ADGRL3: variants seen among roughly 807,000 people sequenced by gnomAD.
ADGRL3 encodes the protein adhesion G protein-coupled receptor L3.
ADGRL3 carries 62 observed loss-of-function variants against 153.5 expected under a neutral mutation model. The observed-to-expected ratio is 0.40, with a 90% CI of 0.33 to 0.50. The LOEUF is 0.50. Ranked by LOEUF, ADGRL3 falls within the 20% of genes least tolerant of loss-of-function variation. The pLI is 0.47. For missense variants in ADGRL3, 1,641 were observed against 1,859.4 expected (o/e 0.88, Z 2.16); for synonymous variants, 710 against 672.5 (o/e 1.06, Z -0.86).
At chr4:61,774,912 C>T (rs1400438535) in intron 8 of ADGRL3, among the ~76,000 whole-genome samples, 1 of 152,104 alleles carries the variant, frequency 6.6e-6, no homozygotes, top group African/African-American at 2.4e-5. Flanking sequence ...GAGGAGACTG[C>T]TGTAGTTAGT....
rs905698396 is a variant in ADGRL3 at position 61,202,882 on chromosome 4, C to T, written c.-240+1117C>T. Among the ~76,000 whole-genome samples, 2 of 152,118 alleles carry T rather than the reference C, an allele frequency of 1.3e-5. No homozygotes were observed. Among genetic ancestry groups the T allele is most frequent in the South Asian group, 4.1e-4 (2 of 4,828 alleles). ...CCCAGGGACGGCAGAGAGATATTTG[C>T]GGGGATGCCGGAGCTGATGCTGCTG... On this transcript the variant is annotated intron_variant, in intron 1 of 26. Coordinates refer to ENST00000683033, the MANE Select transcript of ADGRL3 (RefSeq NM_001387552.1). The surrounding 1 kb of genome is among the most constrained non-coding windows in gnomAD (Gnocchi z 5.0).
intron 21 of ADGRL3, among the ~76,000 whole-genome samples, chr4:62,021,201 C>T (rs144538528): frequency 6.6e-6 from 1 of 151,978 alleles, no homozygotes; most frequent in Admixed American, 6.6e-5. Flanking sequence ...TACTTTTGCA[C>T]ATTAAAGTTT....
chr4:61,971,141 T>C (rs897143251), intron 17 of ADGRL3, among the ~76,000 whole-genome samples: 1 of 150,162 alleles, frequency 6.7e-6, no homozygotes, highest in African/African-American at 2.5e-5. Flanking sequence ...TAAATTTTTT[T>C]ATTTATTTTT....
intron 9 of ADGRL3, among the ~76,000 whole-genome samples, chr4:61,848,927 T>G (rs1198551549): frequency 1.3e-5 from 2 of 152,106 alleles, no homozygotes; most frequent in African/African-American, 4.8e-5. Context: ...TGAAGAAAGC[T>G]CCAACCCATT....
intron 2 of ADGRL3, among the ~76,000 whole-genome samples, chr4:61,446,106 G>C (rs1477063238): frequency 2.0e-5 from 3 of 152,166 alleles, no homozygotes; most frequent in African/African-American, 7.2e-5. Context: ...CATTATTTCT[G>C]AGAGTGTATC....
chr4:61,698,502 T>C (rs914516688), intron 6 of ADGRL3, among the ~76,000 whole-genome samples: 2 of 152,068 alleles, frequency 1.3e-5, no homozygotes, highest in African/African-American at 2.4e-5. Flanking sequence ...AAAATACTTA[T>C]TGAGCTAGCT....
At position 61,416,360 on chromosome 4, in the gene ADGRL3, A is replaced by G. The variant is rs992672089; in HGVS notation, c.-174+33171A>G. The stretch of plus-strand genomic sequence containing the variant: ...AATTAAAAGCCTTTAAACTTCTTTC[A>G]AAAAGCAATTGGACTGACATATTTT... On this transcript the variant is annotated intron_variant, in intron 2 of 26. Coordinates refer to ENST00000683033, the MANE Select transcript of ADGRL3 (RefSeq NM_001387552.1). Among the ~76,000 whole-genome samples the G allele has an allele frequency of 2.1e-4, 31 of 150,398 alleles. No individual in the cohort carries two copies. In the South Asian group the frequency reaches 4.6e-3, roughly 22 times the overall value.
chr4:61,773,153 T>C (rs1336866824), intron 8 of ADGRL3, among the ~76,000 whole-genome samples: 2 of 152,170 alleles, frequency 1.3e-5, no homozygotes, highest in Non-Finnish European at 2.9e-5. Flanking sequence ...ACAGTTTACA[T>C]GCACTTGTCC....
At chr4:61,468,436 T>C (rs2097909898) in intron 2 of ADGRL3, among the ~76,000 whole-genome samples, 1 of 152,160 alleles carries the variant, frequency 6.6e-6, no homozygotes, top group Non-Finnish European at 1.5e-5. Context: ...CATATCAGCC[T>C]GAAAGGAACC....
intron 5 of ADGRL3, among the ~76,000 whole-genome samples, chr4:61,588,003 A>T (rs1375908939): frequency 6.6e-6 from 1 of 151,974 alleles, no homozygotes; most frequent in Non-Finnish European, 1.5e-5. Context: ...TTAACATCAT[A>T]TAAATGAATG....
chr4:61,624,712 G>A (rs1437112807), intron 5 of ADGRL3, among the ~76,000 whole-genome samples: 1 of 151,980 alleles, frequency 6.6e-6, no homozygotes, highest in Non-Finnish European at 1.5e-5. Context: ...GAGAAAGGCT[G>A]AGTTACTTTA....
intron 1 of ADGRL3, among the ~76,000 whole-genome samples, chr4:61,336,579 G>A (rs2151055656): frequency 6.6e-6 from 1 of 152,242 alleles, no homozygotes; most frequent in Non-Finnish European, 1.5e-5. Flanking sequence ...TCCTCAGCGT[G>A]TGAGGGGTAG....
intron 5 of ADGRL3, among the ~76,000 whole-genome samples, chr4:61,607,541 A>T (rs1166160089): frequency 6.6e-6 from 1 of 152,142 alleles, no homozygotes; most frequent in Non-Finnish European, 1.5e-5. Flanking sequence ...CGGAGGTTGC[A>T]GTGAGCCGAG....
chr4:61,268,434 ATCT>A (rs1560406086), intron 1 of ADGRL3, among the ~76,000 whole-genome samples: 1 of 151,632 alleles, frequency 6.6e-6, no homozygotes, highest in Non-Finnish European at 1.5e-5. Context: ...CCAAATATAC[ATCT>A]TATTATTTTG....
intron 5 of ADGRL3, among the ~76,000 whole-genome samples, chr4:61,635,727 T>G (rs903134503): frequency 6.6e-6 from 1 of 152,108 alleles, no homozygotes; most frequent in African/African-American, 2.4e-5. Flanking sequence ...AAATTTTTTC[T>G]TATGATTTTG....
At chr4:61,952,009 A>G (rs1248462448) in intron 17 of ADGRL3, among the ~76,000 whole-genome samples, 2 of 152,210 alleles carry the variant, frequency 1.3e-5, no homozygotes, top group South Asian at 2.1e-4. Flanking sequence ...ACTAGGATAC[A>G]AAGATATAAA....
At chr4:61,373,415 T>G (rs1191932701) in intron 1 of ADGRL3, among the ~76,000 whole-genome samples, 2 of 152,208 alleles carry the variant, frequency 1.3e-5, no homozygotes, top group African/African-American at 4.8e-5. Context: ...ATACATAAAA[T>G]TATGTTTGCA....
intron 9 of ADGRL3, among the ~76,000 whole-genome samples, chr4:61,846,947 T>G (rs1030604323): frequency 1.6e-5 from 2 of 129,014 alleles, no homozygotes; most frequent in Non-Finnish European, 3.4e-5. Flanking sequence ...TTTTATATAT[T>G]ATGTGTGTGT....
intron 24 of ADGRL3, among the ~76,000 whole-genome samples, chr4:62,039,039 C>A (rs77272606): frequency 2.0e-5 from 3 of 151,886 alleles, no homozygotes; most frequent in Non-Finnish European, 2.9e-5. Flanking sequence ...TTTCTTAACT[C>A]TTTTAGCTCA....
Sources: allele counts gnomAD v4.1 joint callset (sites outside exome capture counted in the v4.1 genomes callset), GRCh38; gene constraint gnomAD v4.1.1; non-coding constraint Gnocchi (gnomAD v3.1); transcripts MANE v1.5; gene names NCBI Gene and HGNC (gene_info 2026-07-23, HGNC 2026-07-21).